Variants in PRUNE2 observed in about 807,000 individuals in gnomAD.
PRUNE2 encodes prune homolog 2 with BCH domain.
In PRUNE2, 164 loss-of-function variants were observed where a neutral mutation model predicts 252.0. That is an observed-to-expected ratio of 0.65 (90% CI 0.57 to 0.74). PRUNE2 has a LOEUF of 0.74. Among genes scored for constraint, PRUNE2 ranks in the 30% least tolerant of loss-of-function variants. The probability of loss-of-function intolerance (pLI) is 0.00; values close to 1 mark genes in which losing one functional copy is unlikely to be tolerated. For synonymous variants in PRUNE2, 1,292 were observed against 1,350.2 expected (o/e 0.96, Z 0.94); for missense variants, 3,495 against 3,711.0 (o/e 0.94, Z 1.51).
intron 6 of PRUNE2, among the ~76,000 whole-genome samples, chr9:76,802,029 T>C (rs953435270): frequency 2.6e-5 from 4 of 152,132 alleles, no homozygotes; most frequent in African/African-American, 9.7e-5. Context: ...AAATCTAACA[T>C]ACTGACATTT....
intron 6 of PRUNE2, among the ~76,000 whole-genome samples, chr9:76,716,026 G>C (rs1045018032): frequency 6.8e-6 from 1 of 147,254 alleles, no homozygotes; most frequent in Non-Finnish European, 1.5e-5. Context: ...ATAAACCCTT[G>C]AAAGAAGACA....
At chr9:76,661,232 T>C (rs1280050503) in intron 9 of PRUNE2, among the ~76,000 whole-genome samples, 1 of 152,172 alleles carries the variant, frequency 6.6e-6, no homozygotes, top group African/African-American at 2.4e-5. Flanking sequence ...AAGAAAGCAT[T>C]ACAATATTAT....
In PRUNE2 at chr9:76,709,997, G is replaced by A. The variant is rs2046600098; in HGVS notation, c.2277C>T (p.Asn759=). The change falls in exon 8 of 19, where the codon AAC becomes AAT. Residue 759 remains asparagine, a synonymous_variant. Transcript: ENST00000376718. Reference sequence around the variant, plus strand: ...AAGAAGCAAAGTCTTCTATCAGGTGGTTTGTTCCTTGGGGAGATGTATTTG... The same window carrying A: ...AAGAAGCAAAGTCTTCTATCAGGTGATTTGTTCCTTGGGGAGATGTATTTG... ...PLPNTSPQGT[N]HLIEDFASLW... is the part of the protein sequence containing the mutation. 1 of 1,613,764 alleles carries A rather than the reference G, an allele frequency of 6.2e-7. No individual in the cohort carries two copies. Among genetic ancestry groups the A allele is most frequent in the Non-Finnish European group, 8.5e-7 (1 of 1,179,806 alleles).
intron 6 of PRUNE2, among the ~76,000 whole-genome samples, chr9:76,794,299 G>A (rs981621604): frequency 6.6e-6 from 1 of 152,166 alleles, no homozygotes; most frequent in Admixed American, 6.5e-5. Context: ...GGAGGTATCT[G>A]GAGGCAGTAA....
intron 1 of PRUNE2, among the ~76,000 whole-genome samples, chr9:76,861,472 A>C (rs1388927635): frequency 1.3e-5 from 2 of 152,154 alleles, no homozygotes; most frequent in Non-Finnish European, 2.9e-5. Context: ...GGCCGTGTGC[A>C]TTTGGGCCTT....
chr9:76,677,399 G>A (rs1477500436), intron 9 of PRUNE2, among the ~76,000 whole-genome samples: 2 of 152,116 alleles, frequency 1.3e-5, no homozygotes, highest in East Asian at 3.8e-4. Context: ...AATTAGCATC[G>A]TTTTTGATAG....
rs1159343082 is a variant in PRUNE2, at chr9:76,816,483, A to G, written c.756+7149T>C. ...ACTCTTTTATCCTGCTAATGTCCTC[A>G]AGAAGCTAGGAATTATCCGTTCTAA... On this transcript the variant is annotated intron_variant, in intron 6 of 18. Transcript: ENST00000376718. Among the ~76,000 whole-genome samples, 4 of 152,204 alleles carry G rather than the reference A, an allele frequency of 2.6e-5. No homozygotes were observed. In the East Asian group the frequency reaches 5.8e-4, roughly 22 times the overall value.
chr9:76,713,815 G>T, intron 6 of PRUNE2, 94 bp from the exon 7 acceptor site: 1 of 793,088 alleles, frequency 1.3e-6, no homozygotes, highest in Non-Finnish European at 1.9e-6. Flanking sequence ...ATGTATTTAG[G>T]AGAGATATTT....
At chr9:76,625,217 T>C (rs1462506026) in intron 16 of PRUNE2, among the ~76,000 whole-genome samples, 1 of 152,222 alleles carries the variant, frequency 6.6e-6, no homozygotes, top group Non-Finnish European at 1.5e-5. Context: ...ATGGACCACA[T>C]ATATGGTAGT....
At position 76,854,182 on chromosome 9, in the gene PRUNE2, G is replaced by C; in HGVS notation, c.63C>G (p.Val21=). The C allele has an allele frequency of 2.5e-6, 4 of 1,599,438 alleles. No individual in the cohort carries two copies. The highest frequency in any genetic ancestry group is 3.4e-6 in the Non-Finnish European group (4 of 1,170,650). ...KLNRSKRLEK[V]HVVIGPKSCD... ...ACGATTTAGGCCCAATAACCACATG[G>C]ACCTTCTCCAAGCGTTTGCTTCGAT... Residue 21 remains valine (V), a synonymous_variant, in exon 2 of 19, where the codon GTC becomes GTG. Transcript: ENST00000376718.
At chr9:76,839,375 T>A (rs1367597726) in intron 4 of PRUNE2, among the ~76,000 whole-genome samples, 2 of 152,138 alleles carry the variant, frequency 1.3e-5, no homozygotes, top group Non-Finnish European at 2.9e-5. Context: ...AAGAGGAGGC[T>A]CCTGATAGGC....
chr9:76,740,633 G>T (rs979182317), intron 6 of PRUNE2, among the ~76,000 whole-genome samples: 3 of 151,956 alleles, frequency 2.0e-5, no homozygotes, highest in African/African-American at 7.2e-5. Context: ...ACATCTATTG[G>T]TTCTCAAATA....
intron 18 of PRUNE2, 43 bp downstream of exon 18, chr9:76,619,297 A>G: frequency 7.4e-7 from 1 of 1,345,638 alleles, no homozygotes; most frequent in Non-Finnish European, 1.1e-6. Context: ...GCCATACAAC[A>G]CTACAAGTAA....
At chr9:76,702,455 G>A (rs1287819758) in intron 9 of PRUNE2, among the ~76,000 whole-genome samples, 1 of 152,106 alleles carries the variant, frequency 6.6e-6, no homozygotes, top group African/African-American at 2.4e-5. Context: ...GGAAGCAGGT[G>A]GGCTTCATAA....
chr9:76,835,417 C>G (rs995482436), intron 4 of PRUNE2, among the ~76,000 whole-genome samples: 1 of 151,824 alleles, frequency 6.6e-6, no homozygotes, highest in African/African-American at 2.4e-5. Flanking sequence ...ACTTAGTTTA[C>G]GTTTTTGTCT....
At chr9:76,765,891 T>C (rs369581725) in intron 6 of PRUNE2, among the ~76,000 whole-genome samples, 1 of 152,090 alleles carries the variant, frequency 6.6e-6, no homozygotes, top group African/African-American at 2.4e-5. Context: ...TTTAGAAATA[T>C]CTCGTTAGAG....
chr9:76,636,371 T>G (rs1436763813), intron 15 of PRUNE2, 100 bp downstream of exon 15: 1 of 703,346 alleles, frequency 1.4e-6, no homozygotes, highest in African/African-American at 1.8e-5. Flanking sequence ...TATATTTCCC[T>G]GGGTACTCTT....
chr9:76,859,261 C>A (rs999192218), intron 1 of PRUNE2, among the ~76,000 whole-genome samples: 1 of 152,112 alleles, frequency 6.6e-6, no homozygotes, highest in Admixed American at 6.5e-5. Flanking sequence ...AAAGTGTAAT[C>A]CTATATACCG....
At chr9:76,878,622 GATCTGTAA>G (rs1247738286) in intron 1 of PRUNE2, among the ~76,000 whole-genome samples, 6 of 152,106 alleles carry the variant, frequency 3.9e-5, no homozygotes, top group Non-Finnish European at 7.4e-5. Flanking sequence ...CTTCCTTTAT[GATCTGTAA>G]AATCTGCAAG....
Sources: gnomAD v4.1 joint callset for allele counts (sites outside exome capture counted in the v4.1 genomes callset) on GRCh38, gnomAD v4.1.1 for gene constraint, MANE v1.5 for transcripts, NCBI Gene and HGNC (gene_info 2026-07-23, HGNC 2026-07-21) for gene names.